Variants in EBF1 observed in about 807,000 individuals in gnomAD.
EBF1 encodes the protein EBF transcription factor 1.
In EBF1, 10 loss-of-function variants were observed where a neutral mutation model predicts 68.4. The ratio of observed to expected loss-of-function variants is 0.15; its 90% CI spans 0.09 to 0.25. The LOEUF is 0.25. EBF1 is among the 10% of genes least tolerant of loss of function. The pLI is 1.00. For synonymous variants in EBF1, 298 were observed against 299.8 expected (o/e 0.99, Z 0.06); for missense variants, 509 against 794.4 (o/e 0.64, Z 4.32).
At chr5:158,806,232 G>A (rs966328789) in intron 8 of EBF1, among the ~76,000 whole-genome samples, 11 of 152,080 alleles carry the variant, frequency 7.2e-5, no homozygotes, top group African/African-American at 9.7e-5. Flanking sequence ...TACCAGGCAC[G>A]GTGGAGAGGG....
chr5:158,845,674 A>G (rs771620969), intron 6 of EBF1, among the ~76,000 whole-genome samples: 15 of 149,970 alleles, frequency 1.0e-4, no homozygotes, highest in Non-Finnish European at 1.6e-4. Flanking sequence ...CCCAATGAGA[A>G]CTATAGGTTT....
chr5:159,026,231 C>G (rs1464407407), intron 6 of EBF1, among the ~76,000 whole-genome samples: 2 of 152,126 alleles, frequency 1.3e-5, no homozygotes, highest in African/African-American at 4.8e-5. Context: ...AATTCTACAG[C>G]CAGACTTAGT....
intron 6 of EBF1, among the ~76,000 whole-genome samples, chr5:158,947,522 C>G (rs1252524207): frequency 3.3e-5 from 5 of 152,190 alleles, no homozygotes; most frequent in Non-Finnish European, 5.9e-5. Flanking sequence ...TGGGCTGCAC[C>G]CACTGTCTAA....
chr5:158,910,017 A>G (rs1253083423), intron 6 of EBF1, among the ~76,000 whole-genome samples: 1 of 151,516 alleles, frequency 6.6e-6, no homozygotes, highest in Non-Finnish European at 1.5e-5. Flanking sequence ...TGGAACTAGA[A>G]GAGCAGATTT....
intron 6 of EBF1, among the ~76,000 whole-genome samples, chr5:159,069,571 G>C (rs1777455995): frequency 6.6e-6 from 1 of 152,044 alleles, no homozygotes; most frequent in African/African-American, 2.4e-5. Context: ...ACCAGATATG[G>C]AATAACAGTC....
chr5:158,818,893 T>C (rs1014764233), intron 8 of EBF1, among the ~76,000 whole-genome samples: 85 of 151,082 alleles, frequency 5.6e-4, no homozygotes, highest in African/African-American at 1.7e-3. Context: ...TGTTTTTTTT[T>C]CCAAATAAAT....
intron 6 of EBF1, among the ~76,000 whole-genome samples, chr5:158,874,506 C>T (rs1009045628): frequency 2.6e-5 from 4 of 152,176 alleles, no homozygotes; most frequent in South Asian, 2.1e-4. Flanking sequence ...AAATGTCTAC[C>T]GAAACCAACC....
At chr5:158,923,464 T>C (rs1808888137) in intron 6 of EBF1, among the ~76,000 whole-genome samples, 1 of 152,156 alleles carries the variant, frequency 6.6e-6, no homozygotes, top group Non-Finnish European at 1.5e-5. Flanking sequence ...AATTTTGCCT[T>C]ATTATGGAGG....
At position 158,869,351 on chromosome 5, in the gene EBF1, G is replaced by A. The variant is rs551195036; in HGVS notation, c.555-29241C>T. ...TTATCCGGGAGGACCCAAAGGATCT[G>A]GATACCCTGAGAGAATACACCACAC... is the stretch of plus-strand genomic sequence containing the variant. On this transcript the variant is annotated intron_variant, in intron 6 of 15. Transcript: ENST00000313708. Among the ~76,000 whole-genome samples the A allele has an allele frequency of 2.0e-5, 3 of 152,218 alleles. No individual in the cohort carries two copies. The East Asian group carries it at 5.8e-4, about 29-fold the overall frequency.
At chr5:158,833,800 G>A (rs746467979) in intron 7 of EBF1, among the ~76,000 whole-genome samples, 4 of 152,152 alleles carry the variant, frequency 2.6e-5, no homozygotes, top group Non-Finnish European at 4.4e-5. Context: ...TGAGCCATTC[G>A]ATATTATATG....
chr5:158,992,432 T>A (rs1561731866), intron 6 of EBF1, among the ~76,000 whole-genome samples: 1 of 152,164 alleles, frequency 6.6e-6, no homozygotes, highest in Non-Finnish European at 1.5e-5. Flanking sequence ...TCCCTTCTTA[T>A]AAAGACATTG....
intron 6 of EBF1, among the ~76,000 whole-genome samples, chr5:158,888,695 G>A (rs983405234): frequency 6.6e-6 from 1 of 151,990 alleles, no homozygotes; most frequent in Admixed American, 6.6e-5. Context: ...TAACCAAAAA[G>A]GTTTAATTTG....
chr5:158,826,246 G>A (rs1235859181), intron 7 of EBF1, among the ~76,000 whole-genome samples: 5 of 147,372 alleles, frequency 3.4e-5, no homozygotes, highest in Non-Finnish European at 6.1e-5. Flanking sequence ...GAAAAGATAT[G>A]TTTAGAATTT....
At chr5:158,917,064 C>T (rs1180496315) in intron 6 of EBF1, among the ~76,000 whole-genome samples, 1 of 152,162 alleles carries the variant, frequency 6.6e-6, no homozygotes, top group Admixed American at 6.5e-5. Flanking sequence ...CCTGCCTTGC[C>T]ACTGTCCTAA....
chr5:159,023,083 A>C (rs1767028395), intron 6 of EBF1, among the ~76,000 whole-genome samples: 2 of 152,158 alleles, frequency 1.3e-5, no homozygotes, highest in African/African-American at 4.8e-5. Flanking sequence ...GGAATCGTGA[A>C]AGCTTGGGGC....
Position 159,008,166 on chromosome 5 carries a change from G to A in EBF1, c.554+65230C>T, listed in dbSNP as rs576874022. On this transcript the variant is annotated intron_variant, in intron 6 of 15. Coordinates refer to ENST00000313708, the MANE Select transcript of EBF1 (RefSeq NM_024007.5). ...TTGAAACAAGTGGTACCAAAAAAAA[G>A]TAAAATAAAATGAGATCACTAGAAG... is the stretch of plus-strand genomic sequence containing the variant. 1.5e-4 allele frequency among the ~76,000 whole-genome samples: 23 copies of A among 152,214 alleles called. No homozygotes were observed. In the East Asian group the frequency reaches 4.4e-3, roughly 29 times the overall value.
At chr5:158,977,473 T>A (rs1296890893) in intron 6 of EBF1, among the ~76,000 whole-genome samples, 1 of 152,144 alleles carries the variant, frequency 6.6e-6, no homozygotes, top group East Asian at 1.9e-4. Flanking sequence ...GTAAGAAATA[T>A]AAAAAGGTGT....
At chr5:158,840,673 GTTTTT>G (rs1554157163) in intron 6 of EBF1, among the ~76,000 whole-genome samples, 1 of 68,912 alleles carries the variant, frequency 1.5e-5, no homozygotes, top group East Asian at 4.9e-4. Context: ...TTTTTTTTTT[GTTTTT>G]TTTTTTTTTT....
chr5:158,794,149 G>C (rs1779194558), intron 9 of EBF1, among the ~76,000 whole-genome samples: 1 of 152,130 alleles, frequency 6.6e-6, no homozygotes. Context: ...GAAAGCAGGG[G>C]CTGGACAATG....
Sources: gnomAD v4.1 joint callset for allele counts (sites outside exome capture counted in the v4.1 genomes callset) on GRCh38, gnomAD v4.1.1 for gene constraint, MANE v1.5 for transcripts, NCBI Gene and HGNC (gene_info 2026-07-23, HGNC 2026-07-21) for gene names.